The following NF1 variants were observed in gnomAD, a reference collection of about 807,000 sequenced individuals.
NF1 encodes neurofibromin 1.
In NF1, 122 loss-of-function variants were observed where a neutral mutation model predicts 325.7. The observed-to-expected ratio is 0.37, with a 90% CI of 0.32 to 0.44. The LOEUF is 0.44. Among genes scored for constraint, NF1 ranks in the 20% least tolerant of loss-of-function variants. The pLI, the probability that NF1 is intolerant of heterozygous loss-of-function variation, is 1.00. For missense variants in NF1, 2,140 were observed against 3,415.4 expected, an observed-to-expected ratio of 0.63 and a Z score of 9.31; for synonymous variants, 1,091 against 1,186.0, an observed-to-expected ratio of 0.92 and a Z score of 1.65.
chr17:31,350,937 T>C (rs2070125801), intron 50 of NF1, among the ~76,000 whole-genome samples: 1 of 152,208 alleles, frequency 6.6e-6, no homozygotes. Context: ...AAAAGTTATC[T>C]TCTGTTCGCA....
At chr17:31,343,685 G>A (rs1411781429) in intron 48 of NF1, among the ~76,000 whole-genome samples, 24 of 152,094 alleles carry the variant, frequency 1.6e-4, no homozygotes, top group Admixed American at 1.6e-3. Context: ...GCTGGGTATG[G>A]TGGCTCACAC....
In NF1 at chr17:31,303,968, G is replaced by A. The variant is rs1257282164; in HGVS notation, c.4836-21852G>A. The A allele has an allele frequency of 2.8e-5, 6 of 213,160 alleles. No homozygotes were observed. The South Asian group carries it at 4.4e-4, about 16-fold the overall frequency. 13.2% of individuals were successfully genotyped at this position (213,160 alleles called of 1,614,324 possible). A position where few individuals can be genotyped will look rare whatever the true frequency, so the allele number is the denominator to read the frequency against. On this transcript the variant is annotated intron_variant, in intron 36 of 57. Transcript: ENST00000358273. ...TTTCAGGGGAAAAAAAACTGTACTG[G>A]GTAATAAGTATATGTAGATTGTTTC...
chr17:31,259,142 C>T lies in NF1; in HGVS notation c.4430+13C>T, dbSNP rs2067640527. On this transcript the variant is annotated intron_variant, in intron 33 of 57. Transcript: ENST00000358273. Reference sequence around the variant, plus strand: ...ATGCAGCACGCAGGTAATTTTCTTGCCACTTACTCAGTTGCTCTGTTTGAA... The same window carrying T: ...ATGCAGCACGCAGGTAATTTTCTTGTCACTTACTCAGTTGCTCTGTTTGAA... The T allele has an allele frequency of 6.4e-7, 1 of 1,557,060 alleles. No homozygotes were observed. The highest frequency in any genetic ancestry group is 1.1e-5 in the South Asian group (1 of 87,896).
chr17:31,157,029 C>G (rs991788963), intron 2 of NF1, among the ~76,000 whole-genome samples: 1 of 152,112 alleles, frequency 6.6e-6, no homozygotes, highest in Non-Finnish European at 1.5e-5. Context: ...TTCTGTCACC[C>G]AGGCTGGAGT....
intron 12 of NF1, among the ~76,000 whole-genome samples, chr17:31,208,189 T>C (rs2066658197): frequency 6.6e-6 from 1 of 152,242 alleles, no homozygotes; most frequent in Admixed American, 6.5e-5. Context: ...AATTTAGTTT[T>C]TATTTCTAAT....
chr17:31,111,874 T>TA (rs1369363593), intron 1 of NF1, among the ~76,000 whole-genome samples: 3 of 152,190 alleles, frequency 2.0e-5, no homozygotes, highest in Non-Finnish European at 4.4e-5. Context: ...CTCTTGTTTT[T>TA]ATTGCTGTTT....
intron 36 of NF1, among the ~76,000 whole-genome samples, chr17:31,311,741 A>G (rs2068882101): frequency 6.6e-6 from 1 of 152,226 alleles, no homozygotes; most frequent in Non-Finnish European, 1.5e-5. Context: ...GCAGTATCAC[A>G]GCTCTAAGTA....
At chr17:31,173,242 C>T (rs1028543461) in intron 5 of NF1, among the ~76,000 whole-genome samples, 2 of 152,088 alleles carry the variant, frequency 1.3e-5, no homozygotes, top group Non-Finnish European at 2.9e-5. Flanking sequence ...AACACTGTCT[C>T]TACTAGAAAT....
At chr17:31,197,003 A>C (rs1410023500) in intron 8 of NF1, among the ~76,000 whole-genome samples, 1 of 151,248 alleles carries the variant, frequency 6.6e-6, no homozygotes, top group African/African-American at 2.4e-5. Flanking sequence ...AGTTTTGACT[A>C]TTATGCGGCT....
intron 36 of NF1, among the ~76,000 whole-genome samples, chr17:31,311,201 C>G (rs1466725365): frequency 6.6e-6 from 1 of 152,126 alleles, no homozygotes; most frequent in Non-Finnish European, 1.5e-5. Context: ...GACCCACCCA[C>G]CTTGGCCTCC....
intron 1 of NF1, among the ~76,000 whole-genome samples, chr17:31,106,964 G>T (rs1381175402): frequency 6.6e-6 from 1 of 152,118 alleles, no homozygotes; most frequent in East Asian, 1.9e-4. Context: ...ATTTTACTTA[G>T]AGTTTGATTA....
intron 14 of NF1, among the ~76,000 whole-genome samples, chr17:31,221,437 A>G (rs1271518293): frequency 1.3e-5 from 2 of 152,106 alleles, no homozygotes; most frequent in Admixed American, 6.5e-5. Context: ...TTAAGTAAAA[A>G]CTTAAAAGAT....
intron 1 of NF1, among the ~76,000 whole-genome samples, chr17:31,152,887 C>T (rs1917047931): frequency 1.3e-5 from 2 of 151,682 alleles, no homozygotes; most frequent in Non-Finnish European, 2.9e-5. Flanking sequence ...TATTATTTGA[C>T]CATAGAACTT....
At chr17:31,176,764 A>C (rs1376946822) in intron 5 of NF1, among the ~76,000 whole-genome samples, 1 of 152,204 alleles carries the variant, frequency 6.6e-6, no homozygotes, top group Non-Finnish European at 1.5e-5. Context: ...TTAAATAGGG[A>C]ATCCTTTCCC....
chr17:31,130,088 T>TTG (rs1350246760), intron 1 of NF1, among the ~76,000 whole-genome samples: 1 of 150,876 alleles, frequency 6.6e-6, no homozygotes, highest in African/African-American at 2.4e-5. Flanking sequence ...TTTTTTGTTT[T>TTG]TTTTTTTTTA....
At chr17:31,337,772 T>C in intron 43 of NF1, 47 bp from the exon 44 acceptor site, 1 of 1,583,676 alleles carries the variant, frequency 6.3e-7, no homozygotes, top group Non-Finnish European at 8.7e-7. Flanking sequence ...TAAACAGTTC[T>C]AAAAACATTT....
At chr17:31,337,992 T>C (rs942641957) in intron 44 of NF1, 33 bp from the exon 45 acceptor site, 3 of 1,581,386 alleles carry the variant, frequency 1.9e-6, no homozygotes, top group Non-Finnish European at 2.6e-6. Flanking sequence ...AACACAAAGG[T>C]TTTTATAAGT....
chr17:31,166,822 C>T (rs940808479), intron 4 of NF1, among the ~76,000 whole-genome samples: 3 of 151,960 alleles, frequency 2.0e-5, no homozygotes, highest in Non-Finnish European at 4.4e-5. Context: ...GGATGTTAAG[C>T]CCCAAGCTCC....
chr17:31,328,528 G>A (rs2069403908), intron 38 of NF1, among the ~76,000 whole-genome samples: 1 of 152,128 alleles, frequency 6.6e-6, no homozygotes, highest in East Asian at 1.9e-4. Context: ...TTAAAAAATA[G>A]TATGTGTAGT....
Sources: gnomAD v4.1 joint callset for allele counts (sites outside exome capture counted in the v4.1 genomes callset) on GRCh38, gnomAD v4.1.1 for gene constraint, MANE v1.5 for transcripts, NCBI Gene and HGNC (gene_info 2026-07-23, HGNC 2026-07-21) for gene names.